NCOR2: variants seen among roughly 807,000 people sequenced by gnomAD.
The protein encoded by NCOR2 is nuclear receptor corepressor 2, also known as CTG repeat protein 26.
Under a neutral mutation model 262.9 loss-of-function variants are expected in NCOR2, and 81 were observed. The ratio of observed to expected loss-of-function variants is 0.31; its 90% confidence interval spans 0.26 to 0.37. The LOEUF is 0.37. NCOR2 is among the 10% of genes least tolerant of loss of function. The probability of loss-of-function intolerance (pLI) is 1.00; values close to 1 mark genes in which losing one functional copy is unlikely to be tolerated. For missense variants in NCOR2, 3,385 were observed against 3,621.4 expected (o/e 0.93, Z 1.68); for synonymous variants, 1,659 against 1,559.3 (o/e 1.06, Z -1.51).
chr12:124,543,433 A>G (rs2051441202), intron 1 of NCOR2, among the ~76,000 whole-genome samples: 1 of 152,176 alleles, frequency 6.6e-6, no homozygotes, highest in African/African-American at 2.4e-5. Context: ...GGGGTGGGGA[A>G]ACAGACCCAC....
chr12:124,346,284 CTGTGGCCTTGG>C (rs1406489818), intron 31 of NCOR2, among the ~76,000 whole-genome samples: 12 of 152,222 alleles, frequency 7.9e-5, no homozygotes, highest in African/African-American at 2.7e-4. Flanking sequence ...ATGTTTAGTC[CTGTGGCCTTGG>C]AAGCCTGCCT....
chr12:124,418,138 T>C (rs1216363266), intron 13 of NCOR2, among the ~76,000 whole-genome samples: 2 of 151,218 alleles, frequency 1.3e-5, no homozygotes, highest in African/African-American at 4.9e-5. Context: ...TCTGTGCCAC[T>C]CGGCCTTGGT....
At position 124,549,960 on chromosome 12, in the gene NCOR2, G is replaced by A. The variant is rs1339330162; in HGVS notation, c.-164-14349C>T. On this transcript the variant is annotated intron_variant, in intron 1 of 32. Transcript: ENST00000458234. The surrounding 1 kb of genome is among the most constrained non-coding windows in gnomAD (Gnocchi z 4.4). ...CGCAAGCTCCGAGGAAAACTCCTTC[G>A]CAGGACCTTTCTCCCCTCCTGAGGT... Among the ~76,000 whole-genome samples, 3 of 152,178 alleles carry A rather than the reference G, an allele frequency of 2.0e-5. No homozygotes were observed. Among genetic ancestry groups the A allele is most frequent in the Non-Finnish European group, 2.9e-5 (2 of 68,016 alleles).
In NCOR2 at chr12:124,376,855, G is replaced by A. The variant is rs2040043222; in HGVS notation, c.2167+1382C>T. On this transcript the variant is annotated intron_variant, in intron 18 of 46. Coordinates refer to ENST00000405201, the Ensembl canonical transcript of NCOR2. Reference sequence around the variant, plus strand: ...CCCAGACGGGGCAGGAGGAAGGAGGGTTGAATTCACCAAGGACTTGGGCTC... The same window carrying A: ...CCCAGACGGGGCAGGAGGAAGGAGGATTGAATTCACCAAGGACTTGGGCTC... 2.6e-5 allele frequency among the ~76,000 whole-genome samples: 4 copies of A among 152,228 alleles called. No individual in the cohort carries two copies. In the South Asian group the frequency reaches 8.3e-4, roughly 32 times the overall value.
At chr12:124,357,159 A>G (rs2038019509) in intron 22 of NCOR2, among the ~76,000 whole-genome samples, 1 of 152,080 alleles carries the variant, frequency 6.6e-6, no homozygotes, top group Non-Finnish European at 1.5e-5. Context: ...CTGCCCCCTA[A>G]TTTTTTTGAG....
At chr12:124,492,463 T>C (rs2048141054) in intron 1 of NCOR2, among the ~76,000 whole-genome samples, 1 of 152,230 alleles carries the variant, frequency 6.6e-6, no homozygotes, top group East Asian at 1.9e-4. Flanking sequence ...AAGAGGACTC[T>C]CCAGACAGGA....
At chr12:124,327,662 G>C in intron 44 of NCOR2, 29 bp from the exon 47 acceptor site, 3 of 1,549,114 alleles carry the variant, frequency 1.9e-6, no homozygotes, top group South Asian at 2.3e-5. Context: ...CAGACAGACA[G>C]ACACATGGGG....
chr12:124,475,725 G>A (rs183853844), intron 3 of NCOR2, among the ~76,000 whole-genome samples: 1 of 152,356 alleles, frequency 6.6e-6, no homozygotes, highest in East Asian at 1.9e-4. Context: ...CATAACCACC[G>A]TGGGAAGTGG....
intron 8 of NCOR2, among the ~76,000 whole-genome samples, chr12:124,434,239 G>C (rs2044200456): frequency 6.6e-6 from 1 of 151,970 alleles, no homozygotes; most frequent in Non-Finnish European, 1.5e-5. Flanking sequence ...CTCCCCAGTG[G>C]GGGTGAGGCA....
chr12:124,379,491 G>A (rs573696489), intron 17 of NCOR2, among the ~76,000 whole-genome samples: 22 of 152,346 alleles, frequency 1.4e-4, no homozygotes, highest in Non-Finnish European at 2.2e-4. Flanking sequence ...CAGGGGCATC[G>A]TGGAGGCAGC....
rs2048843976 is a variant in NCOR2 at position 124,503,272 on chromosome 12, C to T, written c.-117-7904G>A. ...AAAAGGCCCTGCTGACCACGGCCCA[C>T]ACCCAGTGACAGGTCTGGCCCAACT... On this transcript the variant is annotated intron_variant, in intron 1 of 46. Transcript: ENST00000404621. The surrounding 1 kb of genome is among the most constrained non-coding windows in gnomAD (Gnocchi z 4.3). Among the ~76,000 whole-genome samples the T allele has an allele frequency of 6.6e-6, 1 of 152,270 alleles. No individual in the cohort carries two copies. The highest frequency in any genetic ancestry group is 1.5e-5 in the Non-Finnish European group (1 of 68,044).
chr12:124,405,353 C>A (rs2042221523), intron 13 of NCOR2, among the ~76,000 whole-genome samples: 1 of 152,208 alleles, frequency 6.6e-6, no homozygotes, highest in African/African-American at 2.4e-5. Flanking sequence ...AACAAGCCCC[C>A]AGGGCAGGGG....
At chr12:124,407,541 G>A (rs2042342714) in intron 13 of NCOR2, among the ~76,000 whole-genome samples, 1 of 152,164 alleles carries the variant, frequency 6.6e-6, no homozygotes, top group Non-Finnish European at 1.5e-5. Context: ...GGGGTCGCAG[G>A]GAGTCACATG....
Position 124,389,728 on chromosome 12 carries a change from G to A in NCOR2, c.1877-3841C>T, listed in dbSNP as rs893828891. Among the ~76,000 whole-genome samples the A allele has an allele frequency of 6.6e-6, 1 of 152,162 alleles. No individual in the cohort carries two copies. Among genetic ancestry groups the A allele is most frequent in the African/African-American group, 2.4e-5 (1 of 41,434 alleles). ...TGAGGAGCCTTTGCAGGGTGCACAT[G>A]AGACCGCCAACCATTTAGGGGAGGG... is the stretch of plus-strand genomic sequence containing the variant. On this transcript the variant is annotated intron_variant, in intron 16 of 46. Transcript: ENST00000405201. The surrounding 1 kb of genome is among the most constrained non-coding windows in gnomAD (Gnocchi z 4.4).
rs534049709 is a variant in NCOR2 at position 124,565,301 on chromosome 12, G to C, written c.-165+2007C>G. On this transcript the variant is annotated intron_variant, in intron 1 of 32. Transcript: ENST00000458234. ...CAGACTCCCCCGGCACCCGCTGGCGGTGGCAGCAGTGAATTTCCAAGCAGG... is the reference window on the plus strand; with the variant it reads ...CAGACTCCCCCGGCACCCGCTGGCGCTGGCAGCAGTGAATTTCCAAGCAGG... 3.9e-5 allele frequency among the ~76,000 whole-genome samples: 6 copies of C among 152,258 alleles called. No individual in the cohort carries two copies. In the South Asian group the frequency reaches 1.2e-3, roughly 32 times the overall value.
At chr12:124,471,830 G>A (rs1317980266) in intron 4 of NCOR2, among the ~76,000 whole-genome samples, 3 of 152,222 alleles carry the variant, frequency 2.0e-5, no homozygotes, top group Non-Finnish European at 4.4e-5. Flanking sequence ...GCCTCCCAAA[G>A]TGCTGGGATT....
chr12:124,384,096 C>G (rs1344370846), intron 17 of NCOR2, among the ~76,000 whole-genome samples: 1 of 152,144 alleles, frequency 6.6e-6, no homozygotes, highest in Non-Finnish European at 1.5e-5. Context: ...GCAGGAGGCC[C>G]TTTTTGTTCC....
intron 34 of NCOR2, 125 bp downstream of exon 36, chr12:124,341,698 T>C: frequency 7.0e-7 from 1 of 1,422,396 alleles, no homozygotes; most frequent in Non-Finnish European, 9.4e-7. Flanking sequence ...CCCACTCAGG[T>C]CCGTTCACAC....
intron 16 of NCOR2, among the ~76,000 whole-genome samples, chr12:124,391,782 C>CA (rs1593342301): frequency 1.3e-5 from 2 of 152,196 alleles, no homozygotes; most frequent in Non-Finnish European, 2.9e-5. Flanking sequence ...TCCCAGCTCT[C>CA]AAAAAAACCC....
Sources: gnomAD v4.1 joint callset for allele counts (sites outside exome capture counted in the v4.1 genomes callset) on GRCh38, gnomAD v4.1.1 for gene constraint, Gnocchi (gnomAD v3.1) non-coding constraint, MANE v1.5 for transcripts, NCBI Gene and HGNC (gene_info 2026-07-23, HGNC 2026-07-21) for gene names.